ZC3HAV1L: variants seen among roughly 807,000 people sequenced by gnomAD.
ZC3HAV1L encodes ZC3HAV1 like, also known as zinc finger CCCH-type antiviral protein 1-like.
Under a neutral mutation model 28.2 loss-of-function variants are expected in ZC3HAV1L, and 23 were observed. The ratio of observed to expected loss-of-function variants is 0.82; its 90% CI spans 0.59 to 1.16. The LOEUF (loss-of-function observed/expected upper bound fraction) is 1.16, where lower values mean the gene tolerates loss of function less well. Among genes scored for constraint, ZC3HAV1L ranks in the 50% most tolerant of loss-of-function variants. ZC3HAV1L has a pLI of 0.00. For missense variants in ZC3HAV1L, 376 were observed against 387.7 expected, an observed-to-expected ratio of 0.97 and a Z score of 0.25; for synonymous variants, 180 against 163.4, an observed-to-expected ratio of 1.10 and a Z score of -0.78.
downstream of ZC3HAV1L, among the ~76,000 whole-genome samples, chr7:139,022,003 A>C (rs546137345): frequency 5.6e-4 from 85 of 152,266 alleles, no homozygotes; most frequent in Middle Eastern, 3.4e-3. Context: ...ACATAGATAT[A>C]AAACAGCCAA....
chr7:139,035,185 T>C (rs1189066712), intron 1 of ZC3HAV1L: 1 of 985,386 alleles, frequency 1.0e-6, no homozygotes, highest in Non-Finnish European at 1.2e-6. Flanking sequence ...GGGGTGAGAC[T>C]GGCTCAGCGC....
chr7:139,029,945 G>C (rs1203360738), intron 2 of ZC3HAV1L, among the ~76,000 whole-genome samples: 1 of 152,120 alleles, frequency 6.6e-6, no homozygotes, highest in African/African-American at 2.4e-5. Flanking sequence ...ATAATGATGG[G>C]ATCAGGCTGT....
At chr7:139,030,134 T>A (rs113012953) in intron 2 of ZC3HAV1L, among the ~76,000 whole-genome samples, 4,674 of 152,108 alleles carry the variant, frequency 0.031, 254 homozygotes, top group African/African-American at 0.11. Flanking sequence ...GCTGCACACG[T>A]AAAAAAACTC....
rs762508162 is a variant in ZC3HAV1L at position 139,028,669 on chromosome 7, T to G, written c.760+33A>C. On this transcript the variant is annotated intron_variant, in intron 3 of 4. Transcript: ENST00000275766. ...GTGAAGCATCGCAAAACCATATCGCTGATACTTCTCTGTCCTTCTTGGATA... is the reference window on the plus strand; with the variant it reads ...GTGAAGCATCGCAAAACCATATCGCGGATACTTCTCTGTCCTTCTTGGATA... The G allele has an allele frequency of 2.5e-6, 4 of 1,601,852 alleles. No individual in the cohort carries two copies. The African/African-American group carries it at 5.3e-5, about 21-fold the overall frequency.
In ZC3HAV1L at chr7:139,026,293, G is replaced by A; in HGVS notation, c.*251C>T. On this transcript the variant is annotated 3_prime_UTR_variant, in exon 5 of 5. Transcript: ENST00000275766. ...AAAAAATGAGTGCAAAGTACTCTAGGATTGCCACAATATAAATTGATAGAA... is the reference window on the plus strand; with the variant it reads ...AAAAAATGAGTGCAAAGTACTCTAGAATTGCCACAATATAAATTGATAGAA... 2 of 520,918 alleles carry A rather than the reference G, an allele frequency of 3.8e-6. No individual in the cohort carries two copies. Among genetic ancestry groups the A allele is most frequent in the Non-Finnish European group, 6.7e-6 (2 of 298,802 alleles). The allele number at this position is 520,918 out of a possible 1,614,324, so 32.3% of individuals were successfully genotyped here. A position where few individuals can be genotyped will look rare whatever the true frequency, so the allele number is the denominator to read the frequency against.
downstream of ZC3HAV1L, among the ~76,000 whole-genome samples, chr7:139,021,578 A>G (rs960568703): frequency 6.6e-6 from 1 of 152,090 alleles, no homozygotes; most frequent in African/African-American, 2.4e-5. Flanking sequence ...AACATATACT[A>G]TAACCAGGTA....
intron 2 of ZC3HAV1L, among the ~76,000 whole-genome samples, chr7:139,033,335 T>C (rs1292110559): frequency 6.6e-6 from 1 of 152,266 alleles, no homozygotes; most frequent in Admixed American, 6.5e-5. Flanking sequence ...TGAATCCATT[T>C]TGACAAGCTG....
downstream of ZC3HAV1L, among the ~76,000 whole-genome samples, chr7:139,021,735 TAGA>T (rs1245413972): frequency 6.6e-6 from 1 of 152,058 alleles, no homozygotes; most frequent in Non-Finnish European, 1.5e-5. Flanking sequence ...CAAACAAGAA[TAGA>T]AGATGTTATT....
intron 3 of ZC3HAV1L, among the ~76,000 whole-genome samples, chr7:139,027,295 T>C (rs1186948435): frequency 6.6e-6 from 1 of 152,210 alleles, no homozygotes; most frequent in African/African-American, 2.4e-5. Context: ...CACCCACTGA[T>C]TTCTAGGTAC....
intron 2 of ZC3HAV1L, among the ~76,000 whole-genome samples, chr7:139,029,429 T>C (rs2130630327): frequency 6.6e-6 from 1 of 152,340 alleles, no homozygotes; most frequent in Non-Finnish European, 1.5e-5. Context: ...CTGATGATAG[T>C]GTAGTGGTGC....
intron 2 of ZC3HAV1L, among the ~76,000 whole-genome samples, chr7:139,030,966 C>A (rs533509066): frequency 6.6e-6 from 1 of 152,256 alleles, no homozygotes; most frequent in South Asian, 2.1e-4. Flanking sequence ...GGAAATCCTA[C>A]AAGACACAGA....
chr7:139,031,168 A>G (rs10235300), intron 2 of ZC3HAV1L, among the ~76,000 whole-genome samples: 73,645 of 152,006 alleles, frequency 0.48, 18,322 homozygotes, highest in Non-Finnish European at 0.52. Flanking sequence ...ACAAAATTAG[A>G]CAGGCACAGT....
intron 2 of ZC3HAV1L, among the ~76,000 whole-genome samples, chr7:139,031,680 G>A (rs1458415790): frequency 6.6e-6 from 1 of 152,134 alleles, no homozygotes; most frequent in Non-Finnish European, 1.5e-5. Context: ...CAAGGTGGGC[G>A]GATCACTTGA....
At chr7:139,025,571 T>A (rs1815331726), downstream of ZC3HAV1L, 1 of 152,030 alleles carries the variant, frequency 6.6e-6, no homozygotes. Flanking sequence ...CCAAGCACAG[T>A]ATTGCTGAGG....
At chr7:139,034,745 T>C in intron 1 of ZC3HAV1L, 67 bp from the exon 2 acceptor site, 2 of 1,581,210 alleles carry the variant, frequency 1.3e-6, no homozygotes, top group Non-Finnish European at 1.7e-6. Flanking sequence ...ATTCCTTGCC[T>C]TGAGCAGCTT....
chr7:139,031,057 A>G (rs1403624063), intron 2 of ZC3HAV1L, among the ~76,000 whole-genome samples: 5 of 152,158 alleles, frequency 3.3e-5, no homozygotes, highest in South Asian at 2.1e-4. Flanking sequence ...CTTTAATGCA[A>G]TTTCTACCCT....
downstream of ZC3HAV1L, among the ~76,000 whole-genome samples, chr7:139,022,030 G>A (rs978906138): frequency 6.6e-6 from 1 of 151,822 alleles, no homozygotes; most frequent in Non-Finnish European, 1.5e-5. Context: ...ATTAATTAAG[G>A]TATATATAAA....
rs1815356830 is a variant in ZC3HAV1L, at chr7:139,026,551, TCGCAAG to T, written c.890_895del (p.Ser297_Glu299delinsTer). ...TCTCCTTTTCCATCTTCTTTACTTC[TCGCAAG>T]ACACTGTGAGGTAGATATTATTATG... On this transcript the variant is annotated stop_gained and inframe_deletion, in exon 5 of 5. Transcript: ENST00000275766. LOFTEE classifies it high-confidence loss of function. 1 of 1,613,914 alleles carries T rather than the reference TCGCAAG, an allele frequency of 6.2e-7. No individual in the cohort carries two copies. The highest frequency in any genetic ancestry group is 8.5e-7 in the Non-Finnish European group (1 of 1,179,896).
chr7:139,027,410 C>T (rs1388734184), intron 3 of ZC3HAV1L, among the ~76,000 whole-genome samples: 8 of 152,238 alleles, frequency 5.3e-5, no homozygotes, highest in African/African-American at 7.2e-5. Context: ...CAGTGGCTCA[C>T]GCCTGTCATC....
Sources: gnomAD v4.1 joint callset for allele counts (sites outside exome capture counted in the v4.1 genomes callset) on GRCh38, gnomAD v4.1.1 for gene constraint, MANE v1.5 for transcripts, NCBI Gene and HGNC (gene_info 2026-07-23, HGNC 2026-07-21) for gene names.